YPEL5: variants seen among roughly 807,000 people sequenced by gnomAD.
The protein encoded by YPEL5 is protein yippee-like 5.
YPEL5 carries 1 observed loss-of-function variant against 10.5 expected under a neutral mutation model. The observed-to-expected ratio is 0.10, with a 90% confidence interval of 0.03 to 0.45. The LOEUF is 0.45. Among genes scored for constraint, YPEL5 ranks in the 20% least tolerant of loss-of-function variants. The pLI, the probability that YPEL5 is intolerant of heterozygous loss-of-function variation, is 0.97. For missense variants in YPEL5, 68 were observed against 159.3 expected, an observed-to-expected ratio of 0.43 and a Z score of 3.09; for synonymous variants, 61 against 56.6, an observed-to-expected ratio of 1.08 and a Z score of -0.35.
chr2:30,151,458 A>G (rs1019820090), intron 1 of YPEL5, among the ~76,000 whole-genome samples: 26 of 152,228 alleles, frequency 1.7e-4, no homozygotes, highest in African/African-American at 6.0e-4. Context: ...TGAAAATAAT[A>G]CTAAAGTACG....
At chr2:30,151,358 G>A (rs946190654) in intron 1 of YPEL5, among the ~76,000 whole-genome samples, 1 of 151,836 alleles carries the variant, frequency 6.6e-6, no homozygotes, top group Non-Finnish European at 1.5e-5. Flanking sequence ...ATCCTAAAAT[G>A]TTATTAATAT....
intron 1 of YPEL5, among the ~76,000 whole-genome samples, chr2:30,150,987 C>G (rs1003154742): frequency 2.0e-5 from 3 of 152,112 alleles, no homozygotes; most frequent in Admixed American, 2.0e-4. Flanking sequence ...TCCCCTCCCC[C>G]CAACCATTTA....
chr2:30,155,206 T>C (rs1185963854), intron 1 of YPEL5, among the ~76,000 whole-genome samples: 1 of 152,262 alleles, frequency 6.6e-6, no homozygotes, highest in Non-Finnish European at 1.5e-5. Context: ...TGCTTGTTAA[T>C]ATGCTGGTTT....
intron 1 of YPEL5, chr2:30,147,909 G>T (rs916397033): frequency 6.5e-6 from 1 of 152,912 alleles, no homozygotes; most frequent in African/African-American, 2.4e-5. Flanking sequence ...CTGGCGTCAC[G>T]TGGCCTCCAT....
intron 2 of YPEL5, 94 bp downstream of exon 2, chr2:30,156,886 A>G (rs1468750276): frequency 1.4e-6 from 2 of 1,447,746 alleles, no homozygotes; most frequent in East Asian, 4.6e-5. Flanking sequence ...GATACCAGGA[A>G]GAGTCAGAAT....
intron 1 of YPEL5, among the ~76,000 whole-genome samples, chr2:30,148,694 C>G (rs1182580496): frequency 1.3e-5 from 2 of 152,152 alleles, no homozygotes; most frequent in Non-Finnish European, 1.5e-5. Context: ...CTGGTTGGAT[C>G]ATTGCGAACT....
chr2:30,158,798 A>T lies in YPEL5; in HGVS notation c.321A>T (p.Arg107=), dbSNP rs1281398746. The change falls in exon 3 of 3, where the codon CGA becomes CGT. Residue 107 remains arginine, a synonymous_variant. Transcript: ENST00000261353. ...GRVILERALV[R]ESEGFEEHVP... ...TGATCCTGGAACGTGCTCTAGTTCG[A>T]GAGAGTGAGGGCTTTGAGGAGCATG... The T allele has an allele frequency of 3.7e-6, 6 of 1,614,094 alleles. No homozygotes were observed. The highest frequency in any genetic ancestry group is 4.2e-6 in the Non-Finnish European group (5 of 1,180,040).
At chr2:30,150,409 A>G (rs761365403) in intron 1 of YPEL5, among the ~76,000 whole-genome samples, 12 of 152,324 alleles carry the variant, frequency 7.9e-5, no homozygotes, top group East Asian at 1.9e-4. Flanking sequence ...ACAGGAGAGG[A>G]TAACTCACCC....
At chr2:30,147,987 C>A (rs1675572856) in intron 1 of YPEL5, 1 of 152,128 alleles carries the variant, frequency 6.6e-6, no homozygotes, top group Non-Finnish European at 1.5e-5. Context: ...CGGGGGTCGC[C>A]CGGGCCGGCC....
chr2:30,147,922 G>C (rs887669968), intron 1 of YPEL5: 1 of 152,676 alleles, frequency 6.5e-6, no homozygotes, highest in Non-Finnish European at 1.5e-5. Flanking sequence ...GCCTCCATCA[G>C]CTGGGCCGGC....
intron 1 of YPEL5, among the ~76,000 whole-genome samples, chr2:30,153,198 G>A (rs775161414): frequency 6.6e-6 from 1 of 152,124 alleles, no homozygotes; most frequent in Non-Finnish European, 1.5e-5. Context: ...CACCGCGCCC[G>A]GCCTTTGTCC....
chr2:30,156,726 C>T lies in YPEL5; in HGVS notation c.75C>T (p.Thr25=). The T allele has an allele frequency of 6.2e-7, 1 of 1,614,148 alleles. No individual in the cohort carries two copies. The highest frequency in any genetic ancestry group is 8.5e-7 in the Non-Finnish European group (1 of 1,180,024). ...FSCANCDTIL[T]NRSELISTRF... ...GTGCAAACTGTGATACGATCCTGACCAACCGCTCAGAACTCATCTCCACTC... is the reference window on the plus strand; with the variant it reads ...GTGCAAACTGTGATACGATCCTGACTAACCGCTCAGAACTCATCTCCACTC... Residue 25 remains threonine (T), a synonymous_variant, in exon 2 of 3, where the codon ACC becomes ACT. Coordinates refer to ENST00000261353, the MANE Select transcript of YPEL5 (RefSeq NM_016061.3).
intron 1 of YPEL5, among the ~76,000 whole-genome samples, chr2:30,150,222 C>CT (rs1286233138): frequency 6.6e-6 from 1 of 152,170 alleles, no homozygotes; most frequent in East Asian, 1.9e-4. Flanking sequence ...GTGAGCCATG[C>CT]TTTTCTCATC....
intron 2 of YPEL5, among the ~76,000 whole-genome samples, chr2:30,158,214 A>G (rs1676125938): frequency 1.3e-5 from 2 of 152,376 alleles, no homozygotes; most frequent in South Asian, 4.1e-4. Flanking sequence ...GTTTTATGGA[A>G]TAACTATGGT....
chr2:30,147,337 G>T (rs2103500446), intron 1 of YPEL5, among the ~76,000 whole-genome samples: 1 of 149,736 alleles, frequency 6.7e-6, no homozygotes, highest in South Asian at 2.1e-4. Flanking sequence ...CCGCCGCGCA[G>T]CCGGGCGACC....
Position 30,159,530 on chromosome 2 carries a change from T to A in YPEL5, c.*687T>A, listed in dbSNP as rs1676190666. 1 of 152,666 alleles carries A rather than the reference T, an allele frequency of 6.6e-6. No homozygotes were observed. Among genetic ancestry groups the A allele is most frequent in the African/African-American group, 2.4e-5 (1 of 41,460 alleles). The allele number at this position is 152,666 out of a possible 1,614,324, so 9.5% of individuals were successfully genotyped here. ...TTTCCATGTAACTTAAGCATAGTAA[T>A]ATAAATAAAGTAATAGTTGGATGCT... On this transcript the variant is annotated 3_prime_UTR_variant, in exon 3 of 3. Transcript: ENST00000261353.
At chr2:30,147,279 T>C (rs958099789) in intron 1 of YPEL5, among the ~76,000 whole-genome samples, 132 of 151,532 alleles carry the variant, frequency 8.7e-4, no homozygotes, top group African/African-American at 3.0e-3. Flanking sequence ...CGCGCGGGGC[T>C]GTTTGCTCTT....
At chr2:30,147,112 C>T (rs1164947130) in intron 1 of YPEL5, 50 bp downstream of exon 1, 1 of 152,282 alleles carries the variant, frequency 6.6e-6, no homozygotes, top group Non-Finnish European at 1.5e-5. Flanking sequence ...GACTGAGGCG[C>T]CCGTTCGGGT....
At position 30,156,801 on chromosome 2, in the gene YPEL5, GAA is replaced by G; in HGVS notation, c.141+13_141+14del. 1 of 1,613,650 alleles carries G rather than the reference GAA, an allele frequency of 6.2e-7. No individual in the cohort carries two copies. On this transcript the variant is annotated intron_variant, in intron 2 of 2. Coordinates refer to ENST00000261353, the MANE Select transcript of YPEL5 (RefSeq NM_016061.3). ...CATTTCTTTTTAACAAGGTTAGTGAGAAAAAGTTTGATTCCTAAGTGGGCTTA... is the reference window on the plus strand; with the variant it reads ...CATTTCTTTTTAACAAGGTTAGTGAGAAAGTTTGATTCCTAAGTGGGCTTA...
Sources: gnomAD v4.1 joint callset for allele counts (sites outside exome capture counted in the v4.1 genomes callset) on GRCh38, gnomAD v4.1.1 for gene constraint, MANE v1.5 for transcripts, NCBI Gene and HGNC (gene_info 2026-07-23, HGNC 2026-07-21) for gene names.